Variants in EXT2 observed in about 807,000 individuals in gnomAD.
The protein encoded by EXT2 is exostosin-2.
EXT2 carries 53 observed loss-of-function variants against 81.6 expected under a neutral mutation model. The observed-to-expected ratio is 0.65, with a 90% CI of 0.52 to 0.82. The LOEUF (loss-of-function observed/expected upper bound fraction) is 0.82. Ranked by LOEUF, EXT2 falls within the 40% of genes least tolerant of loss-of-function variation. The pLI, the probability that EXT2 is intolerant of heterozygous loss-of-function variation, is 0.00. For synonymous variants in EXT2, 320 were observed against 340.0 expected (o/e 0.94, Z 0.65); for missense variants, 774 against 910.2 (o/e 0.85, Z 1.93).
In EXT2 at chr11:44,106,701, C is replaced by T. The variant is rs542988130; in HGVS notation, c.-30-982C>T. ...CTGGAGTGCAGTGGCACGATCTCGG[C>T]TCACCGCAACCTCCACCTCCTGGAT... On this transcript the variant is annotated intron_variant, in intron 1 of 13. Transcript: ENST00000533608. Among the ~76,000 whole-genome samples, 5 of 152,282 alleles carry T rather than the reference C, an allele frequency of 3.3e-5. No homozygotes were observed. In the East Asian group the frequency reaches 9.7e-4, roughly 29 times the overall value.
At chr11:44,221,920 G>C (rs1955785938) in intron 10 of EXT2, among the ~76,000 whole-genome samples, 1 of 152,160 alleles carries the variant, frequency 6.6e-6, no homozygotes, top group Admixed American at 6.5e-5. Flanking sequence ...TAAAGAGAAA[G>C]AAAACTTGAA....
At chr11:44,209,106 GGTA>G (rs1264479614) in intron 10 of EXT2, among the ~76,000 whole-genome samples, 1 of 152,156 alleles carries the variant, frequency 6.6e-6, no homozygotes, top group Non-Finnish European at 1.5e-5. Flanking sequence ...TACATAAAAT[GGTA>G]ATGACAATAT....
At chr11:44,108,441 G>A (rs979919640) in intron 2 of EXT2, among the ~76,000 whole-genome samples, 193 bp downstream of exon 2, 3 of 152,334 alleles carry the variant, frequency 2.0e-5, no homozygotes, top group South Asian at 2.1e-4. Flanking sequence ...CTGTGTGCCC[G>A]TGAAGAGTAG....
At chr11:44,224,494 A>T (rs1025911224) in intron 10 of EXT2, among the ~76,000 whole-genome samples, 1 of 152,174 alleles carries the variant, frequency 6.6e-6, no homozygotes, top group African/African-American at 2.4e-5. Flanking sequence ...GTGACCCCAA[A>T]TCATTTTTTG....
At chr11:44,126,705 C>T in intron 5 of EXT2, 111 bp from the exon 6 acceptor site, 2 of 1,367,514 alleles carry the variant, frequency 1.5e-6, no homozygotes, top group Non-Finnish European at 2.1e-6. Flanking sequence ...GTCAAGATGC[C>T]TCAGTATTGC....
At chr11:44,190,273 CA>C (rs1328441721) in intron 8 of EXT2, among the ~76,000 whole-genome samples, 1 of 151,922 alleles carries the variant, frequency 6.6e-6, no homozygotes, top group Non-Finnish European at 1.5e-5. Flanking sequence ...ATAATTGGAG[CA>C]AAAAAGAATA....
chr11:44,099,778 G>T (rs1468969407), intron 1 of EXT2, among the ~76,000 whole-genome samples: 2 of 152,214 alleles, frequency 1.3e-5, no homozygotes, highest in African/African-American at 4.8e-5. Context: ...GTGTATGAAA[G>T]GTGATGTGGG....
chr11:44,109,317 G>C (rs989833643), intron 3 of EXT2, 34 bp downstream of exon 3: 3 of 1,530,646 alleles, frequency 2.0e-6, no homozygotes, highest in Admixed American at 1.7e-5. Context: ...CCTTATGATG[G>C]GTTCAAGATC....
intron 8 of EXT2, among the ~76,000 whole-genome samples, chr11:44,195,167 G>A (rs756246168): frequency 2.0e-4 from 31 of 152,162 alleles, no homozygotes; most frequent in Admixed American, 3.9e-4. Context: ...GGGCGCGGTG[G>A]CTCACACCTG....
chr11:44,186,468 G>A (rs1955312562), intron 8 of EXT2, among the ~76,000 whole-genome samples: 1 of 152,222 alleles, frequency 6.6e-6, no homozygotes, highest in Non-Finnish European at 1.5e-5. Flanking sequence ...AGAGGAGGAT[G>A]AAATGTCAAC....
chr11:44,167,915 T>C lies in EXT2; in HGVS notation c.1174-3696T>C, dbSNP rs555683667. Reference sequence around the variant, plus strand: ...TGCCATGCTGGTGCGCTGCACCCACTAACTCGTCCTCTAGCATTAGGTATA... The same window carrying C: ...TGCCATGCTGGTGCGCTGCACCCACCAACTCGTCCTCTAGCATTAGGTATA... On this transcript the variant is annotated intron_variant, in intron 7 of 13. Transcript: ENST00000533608. 1.1e-4 allele frequency among the ~76,000 whole-genome samples: 16 copies of C among 152,140 alleles called. No individual in the cohort carries two copies. The East Asian group carries it at 3.1e-3, about 30-fold the overall frequency.
chr11:44,121,637 C>T (rs1369968839), intron 4 of EXT2, among the ~76,000 whole-genome samples: 1 of 151,738 alleles, frequency 6.6e-6, no homozygotes, highest in East Asian at 1.9e-4. Flanking sequence ...GACTCTGACC[C>T]CCTACATTGT....
chr11:44,120,592 G>T (rs1954302060), intron 4 of EXT2, among the ~76,000 whole-genome samples: 4 of 152,220 alleles, frequency 2.6e-5, no homozygotes, highest in Admixed American at 2.6e-4. Flanking sequence ...AGGCAGGGTG[G>T]GCCATCTCAT....
chr11:44,117,415 C>T (rs1165434795), intron 4 of EXT2, among the ~76,000 whole-genome samples: 2 of 152,162 alleles, frequency 1.3e-5, no homozygotes, highest in Non-Finnish European at 2.9e-5. Context: ...TTTACCCTTA[C>T]GTTTTCTTCT....
At chr11:44,100,137 C>T (rs1055143384) in intron 1 of EXT2, among the ~76,000 whole-genome samples, 2 of 152,218 alleles carry the variant, frequency 1.3e-5, no homozygotes, top group Non-Finnish European at 2.9e-5. Flanking sequence ...CTAGCTCAGT[C>T]TGGTAAGCAG....
Position 44,244,348 on chromosome 11 carries a change from C to A in EXT2, c.*61C>A. 2.5e-6 allele frequency: 4 copies of A among 1,580,958 alleles called. No homozygotes were observed. Among genetic ancestry groups the A allele is most frequent in the Non-Finnish European group, 3.5e-6 (4 of 1,150,278 alleles). On this transcript the variant is annotated 3_prime_UTR_variant, in exon 14 of 14. Transcript: ENST00000533608. ...GGACAGAGGGAGAGAACAAGGCCTC[C>A]CAGCACTCTGATGTCAGAGTAGTAG...
At chr11:44,174,474 T>G (rs1041446923) in intron 8 of EXT2, among the ~76,000 whole-genome samples, 2 of 151,792 alleles carry the variant, frequency 1.3e-5, no homozygotes, top group African/African-American at 4.8e-5. Context: ...AAATATTTCT[T>G]AGATTTAAAA....
chr11:44,103,248 T>TTA lies in EXT2; in HGVS notation c.-30-4423_-30-4422dup, dbSNP rs1003345769. 2.6e-4 allele frequency among the ~76,000 whole-genome samples: 39 copies of TTA among 152,000 alleles called. No homozygotes were observed. In the East Asian group the frequency reaches 4.1e-3, roughly 16 times the overall value. ...TTGATATATCTAGGTAGCATTTTCT[T>TTA]TATATATATATATGTTCTGTTCTGA... On this transcript the variant is annotated intron_variant, in intron 1 of 13. Coordinates refer to ENST00000533608, the MANE Select transcript of EXT2 (RefSeq NM_207122.2).
intron 10 of EXT2, among the ~76,000 whole-genome samples, chr11:44,231,359 A>G (rs1313300806): frequency 6.6e-6 from 1 of 152,182 alleles, no homozygotes; most frequent in Non-Finnish European, 1.5e-5. Flanking sequence ...GATTGAGAGA[A>G]TGACTTGTCT....
Sources: allele counts gnomAD v4.1 joint callset (sites outside exome capture counted in the v4.1 genomes callset), GRCh38; gene constraint gnomAD v4.1.1; transcripts MANE v1.5; gene names NCBI Gene and HGNC (gene_info 2026-07-23, HGNC 2026-07-21).